The following RAD23B variants were observed in gnomAD, a reference collection of about 807,000 sequenced individuals.
RAD23B encodes the protein RAD23 nucleotide excision repair protein B.
Under a neutral mutation model 49.1 loss-of-function variants are expected in RAD23B, and 5 were observed. The observed-to-expected ratio is 0.10, with a 90% CI of 0.05 to 0.21. RAD23B has a LOEUF of 0.21. Among genes scored for constraint, RAD23B ranks in the 10% least tolerant of loss-of-function variants. The pLI is 1.00. For synonymous variants in RAD23B, 184 were observed against 165.4 expected (o/e 1.11, Z -0.86); for missense variants, 356 against 486.7 (o/e 0.73, Z 2.53).
At chr9:107,284,582 G>C (rs780509983) in intron 1 of RAD23B, 205 of 248,968 alleles carry the variant, frequency 8.2e-4, no homozygotes, top group Non-Finnish European at 1.2e-3. Context: ...TTCTGTATTT[G>C]TGACTGCATA....
At chr9:107,314,915 T>G (rs1826961035) in intron 5 of RAD23B, among the ~76,000 whole-genome samples, 1 of 152,238 alleles carries the variant, frequency 6.6e-6, no homozygotes, top group Non-Finnish European at 1.5e-5. Flanking sequence ...TTTTTCATGT[T>G]TGTTGGCCAC....
At chr9:107,321,245 TTGAGATACTTTAAGTATCTCATTTA>T (rs72446896) in intron 6 of RAD23B, among the ~76,000 whole-genome samples, 145,243 of 149,824 alleles carry the variant, frequency 0.97, 70,468 homozygotes, top group African/African-American at 0.99. Context: ...ATCTCATTTT[TTGAGATACTTTAAGTATCTCATTTA>T]TGAGATACTT....
At chr9:107,285,703 C>T (rs1833262896) in intron 1 of RAD23B, among the ~76,000 whole-genome samples, 1 of 152,218 alleles carries the variant, frequency 6.6e-6, no homozygotes, top group Non-Finnish European at 1.5e-5. Flanking sequence ...GCGGTTTCTA[C>T]AGCTTTCGCT....
chr9:107,311,667 A>G lies in RAD23B; in HGVS notation c.498-15A>G. The stretch of plus-strand genomic sequence containing the variant: ...ATACTTTTTAAAATGTGATTTTTCT[A>G]AAATCCTTTTGTAGTACATCGGGTG... On this transcript the variant is annotated splice_polypyrimidine_tract_variant and intron_variant, in intron 4 of 9. Coordinates refer to ENST00000358015, the MANE Select transcript of RAD23B (RefSeq NM_002874.5). 5 of 1,564,914 alleles carry G rather than the reference A, an allele frequency of 3.2e-6. No homozygotes were observed. The highest frequency in any genetic ancestry group is 1.4e-5 in the African/African-American group (1 of 72,280).
At chr9:107,321,951 G>A in intron 6 of RAD23B, 32 bp from the exon 7 acceptor site, 1 of 1,564,654 alleles carries the variant, frequency 6.4e-7, no homozygotes, top group Admixed American at 2.0e-5. Context: ...TTGCATGATG[G>A]GATATCTTAA....
chr9:107,304,634 T>C (rs1456471941), intron 3 of RAD23B, among the ~76,000 whole-genome samples: 1 of 152,246 alleles, frequency 6.6e-6, no homozygotes, highest in African/African-American at 2.4e-5. Context: ...AGAGTTTGTT[T>C]ATGCCTGTGG....
chr9:107,319,365 C>T (rs1172893478), intron 6 of RAD23B, among the ~76,000 whole-genome samples: 2 of 151,862 alleles, frequency 1.3e-5, no homozygotes, highest in East Asian at 1.9e-4. Flanking sequence ...CTCCTGACCT[C>T]GTGATCCGCC....
At chr9:107,285,027 C>A in intron 1 of RAD23B, 1 of 1,156,102 alleles carries the variant, frequency 8.6e-7, no homozygotes, top group Non-Finnish European at 1.1e-6. Context: ...AAGTTTTGTA[C>A]ATCTTTAATT....
In RAD23B at chr9:107,323,792, T is replaced by A. The variant is rs553744138; in HGVS notation, c.818-98T>A. 3.5e-6 allele frequency: 4 copies of A among 1,137,266 alleles called. No homozygotes were observed. In the African/African-American group the frequency reaches 4.6e-5, roughly 13 times the overall value. 70.4% of individuals were successfully genotyped at this position (1,137,266 alleles called of 1,614,324 possible). A position where few individuals can be genotyped will look rare whatever the true frequency, so the allele number is the denominator to read the frequency against. Reference sequence around the variant, plus strand: ...TATTACATCTGAGAACTCAAATCATTTTTTCTTTGATAGTGTTTGCTGTCT... The same window carrying A: ...TATTACATCTGAGAACTCAAATCATATTTTCTTTGATAGTGTTTGCTGTCT... On this transcript the variant is annotated intron_variant, in intron 7 of 9. Coordinates refer to ENST00000358015, the MANE Select transcript of RAD23B (RefSeq NM_002874.5).
intron 4 of RAD23B, among the ~76,000 whole-genome samples, chr9:107,309,826 G>C (rs1461288025): frequency 6.6e-6 from 1 of 151,838 alleles, no homozygotes; most frequent in Non-Finnish European, 1.5e-5. Context: ...AGGTACTCAG[G>C]AGGCTGAGGC....
intron 1 of RAD23B, among the ~76,000 whole-genome samples, chr9:107,293,536 A>G (rs1339673922): frequency 6.6e-6 from 1 of 152,234 alleles, no homozygotes; most frequent in African/African-American, 2.4e-5. Context: ...TATACTGTAT[A>G]TAGTTACAAC....
At chr9:107,322,377 A>G (rs183504474) in intron 7 of RAD23B, among the ~76,000 whole-genome samples, 40 of 152,356 alleles carry the variant, frequency 2.6e-4, no homozygotes, top group Non-Finnish European at 5.4e-4. Context: ...TAAGGAAAAG[A>G]TGCTTTCCAG....
At chr9:107,307,039 A>G (rs1447458162) in intron 4 of RAD23B, among the ~76,000 whole-genome samples, 1 of 152,180 alleles carries the variant, frequency 6.6e-6, no homozygotes, top group Non-Finnish European at 1.5e-5. Flanking sequence ...ATTGTCATAT[A>G]TATCATAAGC....
At chr9:107,326,354 G>A (rs532847194) in intron 9 of RAD23B, among the ~76,000 whole-genome samples, 61 of 145,594 alleles carry the variant, frequency 4.2e-4, no homozygotes, top group Non-Finnish European at 8.0e-4. Flanking sequence ...GATGGTGGGC[G>A]CCTGTAGTCC....
intron 9 of RAD23B, among the ~76,000 whole-genome samples, chr9:107,328,093 G>C (rs1827243323): frequency 6.6e-6 from 1 of 151,928 alleles, no homozygotes; most frequent in Admixed American, 6.6e-5. Context: ...TGTGTGTTTT[G>C]TAGAAGCAGG....
chr9:107,283,738 G>T, intron 1 of RAD23B, 43 bp downstream of exon 1: 1 of 1,385,970 alleles, frequency 7.2e-7, no homozygotes, highest in Non-Finnish European at 9.4e-7. Flanking sequence ...CGTGCGGGCC[G>T]CGGGGAGCGC....
At chr9:107,286,356 A>C (rs1008814184) in intron 1 of RAD23B, among the ~76,000 whole-genome samples, 4 of 152,220 alleles carry the variant, frequency 2.6e-5, no homozygotes, top group Admixed American at 2.6e-4. Flanking sequence ...GACTTAGTCA[A>C]AGCTCATTGG....
At chr9:107,291,999 G>A (rs1427019768) in intron 1 of RAD23B, among the ~76,000 whole-genome samples, 2 of 152,188 alleles carry the variant, frequency 1.3e-5, no homozygotes, top group Non-Finnish European at 2.9e-5. Context: ...ATAGTAAAAT[G>A]AGAATGGCTT....
Position 107,302,812 on chromosome 9 carries a change from C to T in RAD23B, c.228+698C>T, listed in dbSNP as rs566692711. Among the ~76,000 whole-genome samples, 24 of 152,040 alleles carry T rather than the reference C, an allele frequency of 1.6e-4. No individual in the cohort carries two copies. In the East Asian group the frequency reaches 2.9e-3, roughly 18 times the overall value. ...CTGGGACTACAGGCGCATGCCACCA[C>T]GCCCGGCTAATTTTTTTGTATTTTT... On this transcript the variant is annotated intron_variant, in intron 3 of 9. Transcript: ENST00000358015.
Sources: gnomAD v4.1 joint callset for allele counts (sites outside exome capture counted in the v4.1 genomes callset) on GRCh38, gnomAD v4.1.1 for gene constraint, MANE v1.5 for transcripts, NCBI Gene and HGNC (gene_info 2026-07-23, HGNC 2026-07-21) for gene names.